ZDHHC15: variants seen among roughly 807,000 people sequenced by gnomAD.
ZDHHC15 encodes zDHHC palmitoyltransferase 15, also known as palmitoyltransferase ZDHHC15.
A neutral mutation model predicts 31.7 loss-of-function variants in ZDHHC15; 19 were observed. The ratio of observed to expected loss-of-function variants is 0.60; its 90% CI spans 0.42 to 0.88. The LOEUF (loss-of-function observed/expected upper bound fraction) is 0.88. ZDHHC15 is among the 40% of genes least tolerant of loss of function. The probability of loss-of-function intolerance (pLI) is 0.00; values close to 1 mark genes in which losing one functional copy is unlikely to be tolerated. For missense variants in ZDHHC15, 209 were observed against 251.2 expected (o/e 0.83, Z 1.14); for synonymous variants, 103 against 90.0 (o/e 1.14, Z -0.82).
At chrX:75,373,760 C>T (rs2083024841) in intron 11 of ZDHHC15, among the ~76,000 whole-genome samples, 1 of 110,462 alleles carries the variant, frequency 9.1e-6, no homozygotes, top group African/African-American at 3.3e-5. Flanking sequence ...AATGCATAAT[C>T]ATCACATTTT....
chrX:75,465,579 T>C (rs191190576), intron 3 of ZDHHC15, among the ~76,000 whole-genome samples: 177 of 111,378 alleles, frequency 1.6e-3, no homozygotes, highest in African/African-American at 5.5e-3. Flanking sequence ...CAAAACAGTA[T>C]GGTATGGGCA....
At chrX:75,388,388 T>C (rs1416270521) in intron 10 of ZDHHC15, among the ~76,000 whole-genome samples, 3 of 111,953 alleles carry the variant, frequency 2.7e-5, no homozygotes, top group Admixed American at 1.9e-4. Flanking sequence ...AAAAGATAGG[T>C]AGTATACAAA....
intron 4 of ZDHHC15, among the ~76,000 whole-genome samples, chrX:75,442,985 CAAA>C (rs1321633891): frequency 2.3e-5 from 1 of 43,890 alleles, no homozygotes; most frequent in African/African-American, 7.6e-5. Flanking sequence ...GACTCCGTCT[CAAA>C]AAAAAAAAAA....
In ZDHHC15 at chrX:75,468,041, A is replaced by AT. The variant is rs142205044; in HGVS notation, c.258+10849dup. On this transcript the variant is annotated intron_variant, in intron 3 of 11. Coordinates refer to ENST00000373367, the MANE Select transcript of ZDHHC15 (RefSeq NM_144969.3). ...TGTCTGGTGTCTTTCAACTGGCATA[A>AT]TTTTTTTTTTTTTTTTTTTTTAGAC... Among the ~76,000 whole-genome samples, 324 of 83,835 alleles carry AT rather than the reference A, an allele frequency of 3.9e-3. 2 individuals are homozygous for AT. Among genetic ancestry groups the AT allele is most frequent in the African/African-American group, 0.013 (292 of 23,320 alleles). The allele number at this position is 83,835 out of a possible 115,157, so 72.8% of individuals were successfully genotyped here.
chrX:75,493,533 G>A (rs1246092289), intron 2 of ZDHHC15, among the ~76,000 whole-genome samples: 3 of 111,744 alleles, frequency 2.7e-5, no homozygotes, highest in Non-Finnish European at 5.6e-5. Flanking sequence ...AAAATCCTCA[G>A]TAAAATACTG....
intron 8 of ZDHHC15, 107 bp downstream of exon 8, chrX:75,424,545 G>A: frequency 3.6e-6 from 3 of 836,969 alleles, no homozygotes; most frequent in Non-Finnish European, 4.8e-6. Context: ...GTAGAGGGAT[G>A]TCACTGCAGC....
chrX:75,513,787 T>C (rs180873590), intron 1 of ZDHHC15, among the ~76,000 whole-genome samples: 1 of 109,011 alleles, frequency 9.2e-6, no homozygotes, highest in Admixed American at 9.9e-5. Flanking sequence ...TAGAATAAAC[T>C]AAAAGATATC....
At chrX:75,408,034 C>T (rs1171802052) in intron 10 of ZDHHC15, among the ~76,000 whole-genome samples, 1 of 109,141 alleles carries the variant, frequency 9.2e-6, no homozygotes, top group Non-Finnish European at 1.9e-5. Flanking sequence ...GAGTCATCAC[C>T]ACTCCCTAAT....
intron 2 of ZDHHC15, among the ~76,000 whole-genome samples, chrX:75,480,134 A>G (rs1186893745): frequency 9.0e-6 from 1 of 110,659 alleles, no homozygotes; most frequent in Admixed American, 9.6e-5. Context: ...CCTCTCATAC[A>G]TTTATAATTG....
chrX:75,513,317 CTA>C (rs1217543866), intron 1 of ZDHHC15, among the ~76,000 whole-genome samples: 1 of 111,743 alleles, frequency 8.9e-6, no homozygotes, highest in Non-Finnish European at 1.9e-5. Context: ...AGAATGGATA[CTA>C]TTGGGCACCA....
chrX:75,477,227 A>G (rs745687003), intron 3 of ZDHHC15, among the ~76,000 whole-genome samples: 17 of 79,723 alleles, frequency 2.1e-4, no homozygotes, highest in African/African-American at 5.3e-4. Flanking sequence ...ACAATCAGAG[A>G]AGATATTTTG....
intron 4 of ZDHHC15, among the ~76,000 whole-genome samples, chrX:75,447,104 T>A (rs947611860): frequency 6.3e-5 from 7 of 111,501 alleles, no homozygotes; most frequent in African/African-American, 2.3e-4. Context: ...TGACTTTCAC[T>A]CACCAAGGCT....
intron 2 of ZDHHC15, among the ~76,000 whole-genome samples, chrX:75,503,990 G>T (rs2085122705): frequency 9.0e-6 from 1 of 111,086 alleles, no homozygotes; most frequent in South Asian, 3.8e-4. Flanking sequence ...TCCTCTCTCT[G>T]TATGTGTCTG....
intron 3 of ZDHHC15, among the ~76,000 whole-genome samples, chrX:75,465,524 G>A (rs1300634287): frequency 9.0e-6 from 1 of 111,285 alleles, no homozygotes; most frequent in East Asian, 2.8e-4. Context: ...AAAGCTAAAG[G>A]CACCATGCTA....
intron 9 of ZDHHC15, among the ~76,000 whole-genome samples, chrX:75,420,099 TA>T (rs750028029): frequency 6.5e-5 from 7 of 108,264 alleles, no homozygotes; most frequent in African/African-American, 2.4e-4. Flanking sequence ...TAAAGTATAA[TA>T]AAAAAAAGAA....
intron 4 of ZDHHC15, among the ~76,000 whole-genome samples, chrX:75,436,607 G>A (rs2083855166): frequency 8.9e-6 from 1 of 112,190 alleles, no homozygotes; most frequent in South Asian, 3.7e-4. Flanking sequence ...AATCATTCAT[G>A]AGTAGTTTAT....
In ZDHHC15 at chrX:75,475,257, T is replaced by A. The variant is rs375127318; in HGVS notation, c.258+3634A>T. Reference sequence around the variant, plus strand: ...ATTATGATGTAGTCCAATTTATGTATGTTTACTTTTTTACAGTGTCATATC... The same window carrying A: ...ATTATGATGTAGTCCAATTTATGTAAGTTTACTTTTTTACAGTGTCATATC... On this transcript the variant is annotated intron_variant, in intron 3 of 11. Transcript: ENST00000373367. Among the ~76,000 whole-genome samples, 772 of 111,728 alleles carry A rather than the reference T, an allele frequency of 6.9e-3. 1 individual carries two copies. Among genetic ancestry groups the A allele is most frequent in the South Asian group, 0.023 (63 of 2,688 alleles).
chrX:75,492,473 T>G (rs930674924), intron 2 of ZDHHC15, among the ~76,000 whole-genome samples: 1 of 111,456 alleles, frequency 9.0e-6, no homozygotes, highest in Admixed American at 9.6e-5. Flanking sequence ...GTCAACAGAA[T>G]ATACGTTCTT....
chrX:75,461,136 C>T (rs745760951), intron 3 of ZDHHC15, among the ~76,000 whole-genome samples: 2 of 111,945 alleles, frequency 1.8e-5, no homozygotes, highest in African/African-American at 6.5e-5. Context: ...GACAACTTTA[C>T]TATGCAATCA....
Sources: allele counts gnomAD v4.1 joint callset (sites outside exome capture counted in the v4.1 genomes callset), GRCh38; gene constraint gnomAD v4.1.1; transcripts MANE v1.5; gene names NCBI Gene and HGNC (gene_info 2026-07-23, HGNC 2026-07-21).